Variants in AOX1 observed in about 807,000 individuals in gnomAD.
AOX1 encodes aldehyde oxidase 1.
AOX1 carries 153 observed loss-of-function variants against 169.5 expected under a neutral mutation model. The observed-to-expected ratio is 0.90, with a 90% CI of 0.79 to 1.03. AOX1 has a LOEUF of 1.03. AOX1 is among the 50% of genes least tolerant of loss of function. The pLI, the probability that AOX1 is intolerant of heterozygous loss-of-function variation, is 0.00. For synonymous variants in AOX1, 562 were observed against 581.9 expected (o/e 0.97, Z 0.49); for missense variants, 1,656 against 1,663.9 (o/e 1.00, Z 0.08).
At chr2:200,680,109 T>C (rs576211227), downstream of AOX1, among the ~76,000 whole-genome samples, 1 of 152,028 alleles carries the variant, frequency 6.6e-6, no homozygotes, top group African/African-American at 2.4e-5. Context: ...GATAATAAAA[T>C]AAAATGAGAA....
intron 5 of AOX1, among the ~76,000 whole-genome samples, chr2:200,601,668 A>C (rs1434685584): frequency 6.6e-6 from 1 of 152,114 alleles, no homozygotes; most frequent in African/African-American, 2.4e-5. Context: ...ACAGTGGCTC[A>C]CGCCTGTAAT....
chr2:200,644,711 C>T (rs1285578564), intron 25 of AOX1, among the ~76,000 whole-genome samples: 3 of 151,872 alleles, frequency 2.0e-5, no homozygotes, highest in East Asian at 3.9e-4. Flanking sequence ...TTGTTTGTGT[C>T]ATCCAGTGTT....
At chr2:200,652,412 T>A (rs1480934132) in intron 26 of AOX1, among the ~76,000 whole-genome samples, 1 of 152,192 alleles carries the variant, frequency 6.6e-6, no homozygotes, top group Non-Finnish European at 1.5e-5. Flanking sequence ...ACAGTCAAGA[T>A]ACTGTGGTTG....
At chr2:200,613,779 G>A (rs768341384) in intron 14 of AOX1, 25 bp from the exon 15 acceptor site, 1 of 1,605,540 alleles carries the variant, frequency 6.2e-7, no homozygotes, top group Non-Finnish European at 8.5e-7. Flanking sequence ...TGTCAGGCTA[G>A]GAGTCTTCTC....
chr2:200,605,732 C>A, intron 10 of AOX1, 104 bp downstream of exon 10: 1 of 490,822 alleles, frequency 2.0e-6, no homozygotes, highest in Non-Finnish European at 3.6e-6. Context: ...TTATAATACA[C>A]ACAGAGATTC....
chr2:200,678,585 G>A (rs1216269691), downstream of AOX1: 1 of 152,096 alleles, frequency 6.6e-6, no homozygotes, highest in African/African-American at 2.4e-5. Flanking sequence ...GAAATAATGG[G>A]CCACAGGAAA....
At chr2:200,666,153 G>A (rs1185056804) in intron 31 of AOX1, among the ~76,000 whole-genome samples, 1 of 152,236 alleles carries the variant, frequency 6.6e-6, no homozygotes, top group Non-Finnish European at 1.5e-5. Context: ...TCAGTAGCAA[G>A]TTGTAGTGTC....
chr2:200,621,081 A>G, intron 17 of AOX1, 39 bp from the exon 18 acceptor site: 17 of 1,583,652 alleles, frequency 1.1e-5, no homozygotes, highest in Non-Finnish European at 1.4e-5. Flanking sequence ...CTTGGCCTCT[A>G]TGGCCACTCT....
chr2:200,604,035 G>T lies in AOX1; in HGVS notation c.607G>T (p.Ala203Ser), dbSNP rs759568130. Residue 203 changes from alanine (A) to serine (S), a missense_variant, in exon 8 of 35, where the codon GCA becomes TCA. Physicochemically the swap from Ala to Ser is moderately conservative, Grantham distance 99 (BLOSUM62 1). Coordinates refer to ENST00000374700, the MANE Select transcript of AOX1 (RefSeq NM_001159.4). ...EGSKTSPKLF[A>S]EEEFLPLDPT... The stretch of plus-strand genomic sequence containing the variant: ...TTTTTAGACAAGTCCAAAACTCTTC[G>T]CAGAAGAGGAGTTTCTGCCATTGGA... 1.9e-6 allele frequency: 3 copies of T among 1,611,994 alleles called. No individual in the cohort carries two copies. Among genetic ancestry groups the T allele is most frequent in the East Asian group, 4.5e-5 (2 of 44,850 alleles).
intron 26 of AOX1, among the ~76,000 whole-genome samples, chr2:200,652,004 T>C (rs1418473910): frequency 6.6e-6 from 1 of 152,176 alleles, no homozygotes; most frequent in East Asian, 1.9e-4. Context: ...GTCACTCCTC[T>C]TTGCAGAATT....
chr2:200,603,391 C>T, intron 7 of AOX1, 35 bp downstream of exon 7: 1 of 1,543,148 alleles, frequency 6.5e-7, no homozygotes, highest in Non-Finnish European at 9.0e-7. Context: ...AAGGCTTTCT[C>T]AGGACATGAA....
At chr2:200,608,839 A>ACCATCACCT in intron 10 of AOX1, 145 bp from the exon 11 acceptor site, 1 of 701,034 alleles carries the variant, frequency 1.4e-6, no homozygotes, top group Non-Finnish European at 2.4e-6. Flanking sequence ...CACCATCACC[A>ACCATCACCT]CCATCACTGC....
chr2:200,624,427 T>C (rs4035107), intron 19 of AOX1, among the ~76,000 whole-genome samples: 44,793 of 151,952 alleles, frequency 0.29, 7,162 homozygotes, highest in East Asian at 0.38. Context: ...CTGAAGTAAG[T>C]GGGCTATGTA....
intron 20 of AOX1, among the ~76,000 whole-genome samples, chr2:200,628,715 G>A (rs1297717303): frequency 6.6e-6 from 1 of 152,118 alleles, no homozygotes. Context: ...GATCACTTGA[G>A]GCCAGGAATT....
Position 200,669,639 on chromosome 2 carries a change from G to A in AOX1, c.3863G>A (p.Ser1288Asn). ...SVFFAIHDAVSAARQERGLHG... is the reference protein window; with the variant it reads ...SVFFAIHDAVNAARQERGLHG... Reference sequence around the variant, plus strand: ...TTTTTCGCTATCCATGACGCAGTGAGTGCAGCACGACAGGAGAGAGGCCTG... The same window carrying A: ...TTTTTCGCTATCCATGACGCAGTGAATGCAGCACGACAGGAGAGAGGCCTG... The change falls in exon 34 of 35, where the codon AGT becomes AAT. Residue 1288 changes from serine (S) to asparagine (N), a missense_variant. Coordinates refer to ENST00000374700, the MANE Select transcript of AOX1 (RefSeq NM_001159.4). The A allele has an allele frequency of 6.2e-7, 1 of 1,614,012 alleles. No homozygotes were observed. The highest frequency in any genetic ancestry group is 1.1e-5 in the South Asian group (1 of 91,072).
At chr2:200,631,075 C>G (rs1014683536) in intron 20 of AOX1, among the ~76,000 whole-genome samples, 1 of 152,084 alleles carries the variant, frequency 6.6e-6, no homozygotes, top group African/African-American at 2.4e-5. Context: ...ATATGTGGAG[C>G]ATTACATCAG....
intron 3 of AOX1, among the ~76,000 whole-genome samples, chr2:200,595,780 G>A (rs2034270729): frequency 6.6e-6 from 1 of 152,074 alleles, no homozygotes; most frequent in Non-Finnish European, 1.5e-5. Context: ...TTGCAGTGGA[G>A]GATAATGCCA....
intron 12 of AOX1, among the ~76,000 whole-genome samples, chr2:200,609,741 T>C (rs1442080581): frequency 2.0e-5 from 3 of 152,240 alleles, no homozygotes; most frequent in Non-Finnish European, 4.4e-5. Context: ...GTCCCTTTGT[T>C]GAAGACATTC....
At chr2:200,617,772 T>C (rs1238624728) in intron 16 of AOX1, among the ~76,000 whole-genome samples, 1 of 152,132 alleles carries the variant, frequency 6.6e-6, no homozygotes, top group Non-Finnish European at 1.5e-5. Flanking sequence ...AAAAAGAAGA[T>C]GTGGGTGATT....
Sources: gnomAD v4.1 joint callset for allele counts (sites outside exome capture counted in the v4.1 genomes callset) on GRCh38, gnomAD v4.1.1 for gene constraint, MANE v1.5 for transcripts, NCBI Gene and HGNC (gene_info 2026-07-23, HGNC 2026-07-21) for gene names.